The following MYO5A variants were observed in gnomAD, a reference collection of about 807,000 sequenced individuals.
MYO5A encodes myosin VA.
A neutral mutation model predicts 249.7 loss-of-function variants in MYO5A; 98 were observed. That is an observed-to-expected ratio of 0.39 (90% CI 0.33 to 0.46). The LOEUF (loss-of-function observed/expected upper bound fraction) is 0.46, where lower values mean the gene tolerates loss of function less well. Ranked by LOEUF, MYO5A falls within the 20% of genes least tolerant of loss-of-function variation. The pLI is 0.98. For synonymous variants in MYO5A, 778 were observed against 810.6 expected (o/e 0.96, Z 0.68); for missense variants, 1,696 against 2,308.8 (o/e 0.73, Z 5.44).
In MYO5A at chr15:52,367,034, T is replaced by C; in HGVS notation, c.3157A>G (p.Thr1053Ala). ...GTAGTACGCATATAAGCTTTACCTG[T>C]CATCTCCTTAGCCTGCTGCACGATG... ...HRIVQQAKEM[T>A]ETMEKKLVEE... Residue 1053 changes from threonine (T) to alanine (A), a missense_variant, in exon 23 of 42, where the codon ACA becomes GCA. Around this residue, in one of 5 missense-constraint regions of MYO5A, gnomAD observed 412 missense variants for 453.3 expected, o/e 0.91. Transcript: ENST00000399233. 1 of 1,613,618 alleles carries C rather than the reference T, an allele frequency of 6.2e-7. No individual in the cohort carries two copies. The highest frequency in any genetic ancestry group is 8.5e-7 in the Non-Finnish European group (1 of 1,179,580).
At chr15:52,490,394 T>C (rs1193665551) in intron 1 of MYO5A, among the ~76,000 whole-genome samples, 7 of 152,170 alleles carry the variant, frequency 4.6e-5, no homozygotes, top group Non-Finnish European at 7.4e-5. Context: ...CTCAAAAGAA[T>C]ATTATTTGGC....
intron 1 of MYO5A, chr15:52,505,784 C>T (rs114454115): frequency 8.9e-6 from 14 of 1,575,346 alleles, no homozygotes; most frequent in Non-Finnish European, 1.2e-5. Flanking sequence ...AAAGTTGGAA[C>T]AGATATGCTG....
chr15:52,488,652 G>A (rs900166325), intron 1 of MYO5A, among the ~76,000 whole-genome samples: 1 of 152,104 alleles, frequency 6.6e-6, no homozygotes, highest in Non-Finnish European at 1.5e-5. Context: ...AAATGGTTGT[G>A]ATTTGCCTTA....
At chr15:52,465,015 T>G (rs544779772) in intron 1 of MYO5A, among the ~76,000 whole-genome samples, 1 of 152,298 alleles carries the variant, frequency 6.6e-6, no homozygotes, top group East Asian at 1.9e-4. Context: ...CAGCTTTACC[T>G]AAGGGCAGGG....
intron 1 of MYO5A, among the ~76,000 whole-genome samples, chr15:52,466,889 A>T (rs2076364674): frequency 6.6e-6 from 1 of 152,260 alleles, no homozygotes; most frequent in East Asian, 1.9e-4. Context: ...GCTTCTCACA[A>T]CTACTGCCCC....
At chr15:52,373,730 T>G (rs917255221) in intron 20 of MYO5A, among the ~76,000 whole-genome samples, 2 of 152,116 alleles carry the variant, frequency 1.3e-5, no homozygotes, top group Non-Finnish European at 2.9e-5. Context: ...CTAAGGAAAG[T>G]AGTGAGGAAC....
intron 34 of MYO5A, chr15:52,331,832 G>A (rs1456377926): frequency 1.0e-6 from 1 of 985,268 alleles, no homozygotes; most frequent in African/African-American, 1.7e-5. Context: ...GCAACACTAT[G>A]ATATCTAAAG....
At chr15:52,368,311 A>AG (rs2040915535) in intron 22 of MYO5A, among the ~76,000 whole-genome samples, 1 of 152,170 alleles carries the variant, frequency 6.6e-6, no homozygotes, top group South Asian at 2.1e-4. Context: ...CAGTAAAAAA[A>AG]GCCCCAGCTC....
intron 2 of MYO5A, among the ~76,000 whole-genome samples, chr15:52,429,827 AC>A (rs1351974609): frequency 1.3e-5 from 2 of 152,038 alleles, no homozygotes; most frequent in African/African-American, 4.8e-5. Flanking sequence ...CTGATCTCGA[AC>A]TCCTGGCCTC....
At chr15:52,445,865 A>G (rs1337262076) in intron 1 of MYO5A, among the ~76,000 whole-genome samples, 1 of 152,212 alleles carries the variant, frequency 6.6e-6, no homozygotes, top group African/African-American at 2.4e-5. Context: ...AAAAGCATTC[A>G]AGATGTGGCC....
chr15:52,373,740 C>T (rs1276351492), intron 20 of MYO5A, among the ~76,000 whole-genome samples: 2 of 152,150 alleles, frequency 1.3e-5, no homozygotes, highest in African/African-American at 4.8e-5. Context: ...TAGTGAGGAA[C>T]ACAGGAAGGT....
At chr15:52,502,855 T>C (rs2077186438) in intron 1 of MYO5A, among the ~76,000 whole-genome samples, 1 of 152,210 alleles carries the variant, frequency 6.6e-6, no homozygotes, top group African/African-American at 2.4e-5. Context: ...AAGTACAAGT[T>C]GAAATCCTGT....
rs1167183523 is a variant in MYO5A at position 52,425,901 on chromosome 15, A to G, written c.384T>C (p.Ser128=). Residue 128 remains serine, a synonymous_variant, in exon 4 of 42, where the codon AGT becomes AGC. Coordinates refer to ENST00000399233, the MANE Select transcript of MYO5A (RefSeq NM_001382347.1). The part of the protein sequence containing the change: ...IYGEDIINAY[S]GQNMGDMDPH... ...GATCCATATCACCCATGTTCTGACC[A>G]CTGTATGCATTAATAATATCTTCTC... 2.5e-6 allele frequency: 4 copies of G among 1,613,454 alleles called. No homozygotes were observed. The highest frequency in any genetic ancestry group is 1.3e-5 in the African/African-American group (1 of 74,900).
At chr15:52,512,412 G>A (rs547115630) in intron 1 of MYO5A, among the ~76,000 whole-genome samples, 78 of 151,852 alleles carry the variant, frequency 5.1e-4, no homozygotes, top group African/African-American at 1.7e-3. Context: ...ATACTCTGAG[G>A]TCATGAAAAA....
intron 35 of MYO5A, among the ~76,000 whole-genome samples, chr15:52,329,699 A>G (rs1166762047): frequency 2.6e-5 from 4 of 152,198 alleles, no homozygotes; most frequent in African/African-American, 7.2e-5. Context: ...GGCCTAGAGC[A>G]GTTGTGCTCA....
chr15:52,351,316 T>C lies in MYO5A; in HGVS notation c.3787A>G (p.Lys1263Glu), dbSNP rs1484194747. 1.2e-6 allele frequency: 2 copies of C among 1,614,062 alleles called. No homozygotes were observed. Among genetic ancestry groups the C allele is most frequent in the South Asian group, 1.1e-5 (1 of 91,088 alleles). Residue 1263 changes from lysine to glutamate, a missense_variant, in exon 28 of 42, where the codon AAG becomes GAG. By Grantham distance (56) the Lys-to-Glu change is moderately conservative. Around this residue, in one of 5 missense-constraint regions of MYO5A, gnomAD observed 625 missense variants for 908.1 expected, o/e 0.69. Coordinates refer to ENST00000399233, the MANE Select transcript of MYO5A (RefSeq NM_001382347.1). ...GACCTTAAGATGAGGACTTCCTCCT[T>C]GCGGACATCAAGCTCCTCGCTCACA... Reference protein sequence around the residue: ...TSVSEELDVRKEEVLILRSQL... With the variant: ...TSVSEELDVREEEVLILRSQL...
rs771149961 is a variant in MYO5A at position 52,416,253 on chromosome 15, T to A, written c.504A>T (p.Gly168=). 4 of 1,614,012 alleles carry A rather than the reference T, an allele frequency of 2.5e-6. No homozygotes were observed. In the African/African-American group the frequency reaches 5.3e-5, roughly 22 times the overall value. The part of the protein sequence containing the change: ...SIIVSGESGA[G]KTVSAKYAMR... The stretch of plus-strand genomic sequence containing the variant: ...TGGCATACTTAGCTGAGACTGTTTT[T>A]CCTGCCCCAGACTCTCCACTTACGA... The change falls in exon 5 of 42, where the codon GGA becomes GGT. Residue 168 remains glycine (G), a synonymous_variant. Transcript: ENST00000399233.
In MYO5A at chr15:52,340,248, C is replaced by T. The variant is rs1484691320; in HGVS notation, c.4187G>A (p.Arg1396His). 2.5e-6 allele frequency: 4 copies of T among 1,614,006 alleles called. No homozygotes were observed. The highest frequency in any genetic ancestry group is 1.1e-5 in the South Asian group (1 of 91,068). Residue 1396 changes from arginine (R) to histidine (H), a missense_variant, in exon 32 of 42, where the codon CGC becomes CAC. Arg to His is a conservative substitution (Grantham distance 29). Coordinates refer to ENST00000399233, the MANE Select transcript of MYO5A (RefSeq NM_001382347.1). ...CTCGTGCTGCAGGCTGGCCTCAATG[C>T]GGGCCTCTGGGGGCAGCTGCAGGTT... is the stretch of plus-strand genomic sequence containing the variant. ...AQNLQLPPEA[R>H]IEASLQHEIT... is the part of the protein sequence containing the mutation.
intron 1 of MYO5A, among the ~76,000 whole-genome samples, chr15:52,503,493 G>A (rs1026600870): frequency 6.6e-6 from 1 of 151,976 alleles, no homozygotes; most frequent in African/African-American, 2.4e-5. Context: ...AATTTGCCAG[G>A]CATGGTGGCG....
Sources: gnomAD v4.1 joint callset for allele counts (sites outside exome capture counted in the v4.1 genomes callset) on GRCh38, gnomAD v4.1.1 for gene constraint, gnomAD v4.1.1 regional missense constraint, MANE v1.5 for transcripts, NCBI Gene and HGNC (gene_info 2026-07-23, HGNC 2026-07-21) for gene names.